NUBPL: variants seen among roughly 807,000 people sequenced by gnomAD.
The protein encoded by NUBPL is iron-sulfur cluster transfer protein NUBPL.
Under a neutral mutation model 45.7 loss-of-function variants are expected in NUBPL, and 31 were observed. That is an observed-to-expected ratio of 0.68 (90% confidence interval 0.51 to 0.92). The LOEUF (loss-of-function observed/expected upper bound fraction) is 0.92. Among genes scored for constraint, NUBPL ranks in the 40% least tolerant of loss-of-function variants. The probability of loss-of-function intolerance (pLI) is 0.00; values close to 1 mark genes in which losing one functional copy is unlikely to be tolerated. For missense variants in NUBPL, 401 were observed against 398.7 expected (o/e 1.01, Z -0.05); for synonymous variants, 144 against 140.9 (o/e 1.02, Z -0.15).
At chr14:31,699,501 A>G (rs1412379078) in intron 6 of NUBPL, among the ~76,000 whole-genome samples, 1 of 152,230 alleles carries the variant, frequency 6.6e-6, no homozygotes, top group Admixed American at 6.5e-5. Flanking sequence ...AGGTTAAATA[A>G]CTTGGGCAGG....
chr14:31,660,653 C>A (rs117404274), intron 4 of NUBPL, among the ~76,000 whole-genome samples: 3 of 152,108 alleles, frequency 2.0e-5, no homozygotes, highest in Non-Finnish European at 4.4e-5. Flanking sequence ...ATTATACTCT[C>A]TGTCCCCATT....
chr14:31,778,496 C>G (rs1358542109), intron 6 of NUBPL, among the ~76,000 whole-genome samples: 2 of 152,210 alleles, frequency 1.3e-5, no homozygotes, highest in African/African-American at 4.8e-5. Flanking sequence ...TTCTGTTGGT[C>G]TGTTCCACCA....
chr14:31,686,641 G>A (rs1003656544), intron 6 of NUBPL: 2 of 152,134 alleles, frequency 1.3e-5, no homozygotes, highest in African/African-American at 4.8e-5. Flanking sequence ...TGAATAATTT[G>A]GGATCTGCCT....
intron 9 of NUBPL, among the ~76,000 whole-genome samples, chr14:31,847,587 A>G (rs899991048): frequency 3.3e-5 from 5 of 152,216 alleles, no homozygotes; most frequent in African/African-American, 1.2e-4. Context: ...ACATGTTTTG[A>G]TATTCTAATT....
chr14:31,671,611 G>C (rs1203398916), intron 4 of NUBPL, among the ~76,000 whole-genome samples: 1 of 152,144 alleles, frequency 6.6e-6, no homozygotes, highest in Non-Finnish European at 1.5e-5. Context: ...GATAGCGAAA[G>C]GTTATAATTG....
At chr14:31,636,657 A>C (rs1423586875) in intron 4 of NUBPL, among the ~76,000 whole-genome samples, 1 of 152,154 alleles carries the variant, frequency 6.6e-6, no homozygotes, top group Non-Finnish European at 1.5e-5. Flanking sequence ...ATAGTTTCAG[A>C]AGGAATGGTA....
intron 7 of NUBPL, among the ~76,000 whole-genome samples, chr14:31,818,969 G>A (rs889747740): frequency 3.9e-5 from 6 of 152,178 alleles, no homozygotes; most frequent in African/African-American, 1.2e-4. Context: ...TTGGAAAGGA[G>A]CAAGAGATCA....
At chr14:31,653,943 C>T (rs1299281950) in intron 4 of NUBPL, 1 of 298,230 alleles carries the variant, frequency 3.4e-6, no homozygotes, top group East Asian at 7.9e-5. Context: ...TCCCTGACTT[C>T]CCACAACAAT....
In NUBPL at chr14:31,586,677, T is replaced by G. The variant is rs147227587; in HGVS notation, c.292-12612T>G. On this transcript the variant is annotated intron_variant, in intron 3 of 10. Transcript: ENST00000281081. ...TCTAGATTCACTGATCAGGATTGGA[T>G]CTCATGAACATCTTTTAGCTGCAAG... Among the ~76,000 whole-genome samples the G allele has an allele frequency of 2.1e-3, 327 of 152,238 alleles. 1 individual carries two copies. The highest frequency in any genetic ancestry group is 7.5e-3 in the African/African-American group (312 of 41,556).
intron 3 of NUBPL, among the ~76,000 whole-genome samples, chr14:31,579,256 A>G (rs946474007): frequency 5.9e-5 from 9 of 152,202 alleles, no homozygotes; most frequent in African/African-American, 1.9e-4. Context: ...AGGATGACCA[A>G]TGCGTCTAAT....
At chr14:31,757,815 G>A (rs1186515375) in intron 6 of NUBPL, among the ~76,000 whole-genome samples, 1 of 151,782 alleles carries the variant, frequency 6.6e-6, no homozygotes, top group Non-Finnish European at 1.5e-5. Flanking sequence ...CCTTTTTTTA[G>A]CCTTGAGGTT....
intron 7 of NUBPL, among the ~76,000 whole-genome samples, chr14:31,821,575 C>T (rs2040019243): frequency 6.6e-6 from 1 of 152,188 alleles, no homozygotes; most frequent in Admixed American, 6.5e-5. Flanking sequence ...GGACCCTTGT[C>T]ACTGTTGGTA....
chr14:31,648,993 A>G (rs2035930095), intron 4 of NUBPL, among the ~76,000 whole-genome samples: 1 of 152,018 alleles, frequency 6.6e-6, no homozygotes, highest in Non-Finnish European at 1.5e-5. Flanking sequence ...TATTTTTAGT[A>G]GAGACGGGGT....
chr14:31,626,025 A>G (rs2035196144), intron 4 of NUBPL, among the ~76,000 whole-genome samples: 1 of 152,180 alleles, frequency 6.6e-6, no homozygotes, highest in African/African-American at 2.4e-5. Context: ...TTTAATTTTG[A>G]TTAAAAAACT....
At chr14:31,769,384 G>T (rs1253813226) in intron 6 of NUBPL, among the ~76,000 whole-genome samples, 1 of 152,044 alleles carries the variant, frequency 6.6e-6, no homozygotes, top group African/African-American at 2.4e-5. Context: ...TAGAGGTTGG[G>T]GGGACAATCT....
At chr14:31,847,116 A>G (rs1410249263) in intron 9 of NUBPL, among the ~76,000 whole-genome samples, 2 of 152,194 alleles carry the variant, frequency 1.3e-5, no homozygotes, top group African/African-American at 4.8e-5. Context: ...TTAAATAAAA[A>G]CTGTCTATAA....
chr14:31,765,890 G>A (rs1167858936), intron 6 of NUBPL, among the ~76,000 whole-genome samples: 1 of 152,112 alleles, frequency 6.6e-6, no homozygotes, highest in Non-Finnish European at 1.5e-5. Context: ...GTACACATAT[G>A]TATACACAAA....
chr14:31,593,077 G>A (rs2034184964), intron 3 of NUBPL, among the ~76,000 whole-genome samples: 1 of 151,896 alleles, frequency 6.6e-6, no homozygotes, highest in South Asian at 2.1e-4. Context: ...ACAATAAAAA[G>A]TAATACAAAT....
chr14:31,631,938 GT>G (rs968589408), intron 4 of NUBPL, among the ~76,000 whole-genome samples: 1 of 152,070 alleles, frequency 6.6e-6, no homozygotes, highest in African/African-American at 2.4e-5. Context: ...GTGGCCCAAA[GT>G]GACATAAAAA....
Sources: gnomAD v4.1 joint callset for allele counts (sites outside exome capture counted in the v4.1 genomes callset) on GRCh38, gnomAD v4.1.1 for gene constraint, MANE v1.5 for transcripts, NCBI Gene and HGNC (gene_info 2026-07-23, HGNC 2026-07-21) for gene names.